The following EEA1 variants were observed in gnomAD, a reference collection of about 807,000 sequenced individuals.
The protein encoded by EEA1 is early endosome antigen 1, 162kD.
A neutral mutation model predicts 209.2 loss-of-function variants in EEA1; 111 were observed. The observed-to-expected ratio is 0.53, with a 90% CI of 0.45 to 0.62. EEA1 has a LOEUF of 0.62. EEA1 is among the 20% of genes least tolerant of loss of function. The pLI is 0.00. For synonymous variants in EEA1, 536 were observed against 540.6 expected, an observed-to-expected ratio of 0.99 and a Z score of 0.12; for missense variants, 1,343 against 1,530.8, an observed-to-expected ratio of 0.88 and a Z score of 2.05.
intron 1 of EEA1, among the ~76,000 whole-genome samples, chr12:92,921,866 C>CAAAAAAAAAAAAAA (rs756583756): frequency 1.6e-4 from 13 of 83,442 alleles, no homozygotes; most frequent in Non-Finnish European, 2.6e-4. Flanking sequence ...GACTCTGTCT[C>CAAAAAAAAAAAAAA]AAAAAAAAAA....
intron 13 of EEA1, among the ~76,000 whole-genome samples, chr12:92,820,689 C>T (rs1355114236): frequency 6.6e-6 from 1 of 151,902 alleles, no homozygotes; most frequent in African/African-American, 2.4e-5. Flanking sequence ...TGCAGAAAAC[C>T]ACCATGGTAC....
At chr12:92,777,856 T>C in intron 26 of EEA1, 85 bp downstream of exon 26, 1 of 1,408,016 alleles carries the variant, frequency 7.1e-7, no homozygotes, top group Admixed American at 2.1e-5. Context: ...TTCTCAAGAT[T>C]CTTCTATTTT....
intron 1 of EEA1, chr12:92,905,339 C>T (rs1388141170): frequency 6.6e-6 from 1 of 152,078 alleles, no homozygotes; most frequent in Admixed American, 6.6e-5. Context: ...GTAGCTCACA[C>T]CTGTAATCCC....
rs1873729869 is a variant in EEA1, at chr12:92,777,912, A to G, written c.3893+29T>C. 1.9e-6 allele frequency: 3 copies of G among 1,580,952 alleles called. No individual in the cohort carries two copies. In the African/African-American group the frequency reaches 4.1e-5, roughly 21 times the overall value. ...AATCTTTTTATCACTTACAATGGAA[A>G]TAAACTAATTTTACTAGATATCAAT... is the stretch of plus-strand genomic sequence containing the variant. On this transcript the variant is annotated intron_variant, in intron 26 of 28. Transcript: ENST00000322349.
chr12:92,780,389 A>G lies in EEA1; in HGVS notation c.3359T>C (p.Val1120Ala), dbSNP rs769955761. 3 of 1,552,810 alleles carry G rather than the reference A, an allele frequency of 1.9e-6. No individual in the cohort carries two copies. Among genetic ancestry groups the G allele is most frequent in the South Asian group, 1.2e-5 (1 of 83,352 alleles). Residue 1120 changes from valine to alanine, a missense_variant, in exon 24 of 29, where the codon GTA becomes GCA. By Grantham distance (64) the Val-to-Ala change is moderately conservative. This residue lies in a region of EEA1 where 1,307 missense variants were observed against 1,465.5 expected (regional missense o/e 0.89). Transcript: ENST00000322349. Reference protein sequence around the residue: ...KEKSLKEKELVNEKSKLAEIE... With the variant: ...KEKSLKEKELANEKSKLAEIE... The stretch of plus-strand genomic sequence containing the variant: ...CTCTGCCAATTTAGACTTCTCATTT[A>G]CCAGTTCTTTTTCTTTCAGTGACTG...
At chr12:92,875,329 G>A (rs911675534) in intron 2 of EEA1, among the ~76,000 whole-genome samples, 6 of 152,070 alleles carry the variant, frequency 3.9e-5, no homozygotes, top group East Asian at 1.9e-4. Flanking sequence ...TCAGCTACTC[G>A]GGAGGCTAAG....
At position 92,832,628 on chromosome 12, in the gene EEA1, C is replaced by T. The variant is rs780962188; in HGVS notation, c.1138G>A (p.Glu380Lys). ...TACTTGGTCTCTACCTCAGATAATT[C>T]TTCTTTGAGCTTTTGAGTAGCTTCT... is the stretch of plus-strand genomic sequence containing the variant. ...KGEATQKLKE[E>K]LSEVETKYQH... The change falls in exon 11 of 29, where the codon GAA becomes AAA. Residue 380 changes from glutamate (E) to lysine (K), a missense_variant. Glu to Lys is a moderately conservative substitution (Grantham distance 56, BLOSUM62 1). Coordinates refer to ENST00000322349, the MANE Select transcript of EEA1 (RefSeq NM_003566.4). 7 of 1,613,866 alleles carry T rather than the reference C, an allele frequency of 4.3e-6. No homozygotes were observed. Among genetic ancestry groups the T allele is most frequent in the Non-Finnish European group, 5.9e-6 (7 of 1,179,976 alleles).
chr12:92,851,258 T>C lies in EEA1; in HGVS notation c.651A>G (p.Arg217=), dbSNP rs781289589. 11 of 1,607,632 alleles carry C rather than the reference T, an allele frequency of 6.8e-6. No individual in the cohort carries two copies. The highest frequency in any genetic ancestry group is 4.0e-5 in the African/African-American group (3 of 74,566). Residue 217 remains arginine, a synonymous_variant, in exon 9 of 29, where the codon AGA becomes AGG. Transcript: ENST00000322349. The part of the protein sequence containing the change: ...IQDLKTELLQ[R]PGIEDVAVLK... ...GCACGGCAACATCTTCTATACCAGG[T>C]CTCTGAAGCTGTGAAACAACACATT...
rs1405742775 is a variant in EEA1, at chr12:92,831,482, T to C, written c.1254+1030A>G. 4.0e-5 allele frequency among the ~76,000 whole-genome samples: 6 copies of C among 148,840 alleles called. No homozygotes were observed. The East Asian group carries it at 9.7e-4, about 24-fold the overall frequency. ...AAATATGAGCTATATAGGTAAATAA[T>C]ATATGAATTGTATATAATATATGAT... On this transcript the variant is annotated intron_variant, in intron 11 of 28. Transcript: ENST00000322349.
At chr12:92,918,786 A>G (rs1394902898) in intron 1 of EEA1, among the ~76,000 whole-genome samples, 1 of 117,448 alleles carries the variant, frequency 8.5e-6, no homozygotes, top group East Asian at 2.1e-4. Flanking sequence ...AAAACCCTTC[A>G]AAAAATCAAT....
At chr12:92,869,582 TAA>T (rs35759690) in intron 2 of EEA1, among the ~76,000 whole-genome samples, 9 of 134,864 alleles carry the variant, frequency 6.7e-5, no homozygotes, top group African/African-American at 5.4e-5. Flanking sequence ...CATCTCTACT[TAA>T]AAAAAAAAAA....
intron 10 of EEA1, among the ~76,000 whole-genome samples, chr12:92,838,080 T>G (rs904461135): frequency 6.6e-6 from 1 of 152,178 alleles, no homozygotes; most frequent in African/African-American, 2.4e-5. Flanking sequence ...AGTGTTAAAT[T>G]TATGTAAGGC....
intron 10 of EEA1, among the ~76,000 whole-genome samples, chr12:92,838,488 T>C (rs1877024013): frequency 6.6e-6 from 1 of 152,200 alleles, no homozygotes; most frequent in South Asian, 2.1e-4. Flanking sequence ...GTAGAAGTTT[T>C]CTACGTGTAG....
intron 2 of EEA1, among the ~76,000 whole-genome samples, chr12:92,890,914 T>C (rs954817132): frequency 2.6e-5 from 4 of 152,070 alleles, no homozygotes; most frequent in Non-Finnish European, 4.4e-5. Flanking sequence ...GAGAAGAGGA[T>C]AGCAGAGAAA....
At chr12:92,820,646 C>A (rs55829050) in intron 13 of EEA1, among the ~76,000 whole-genome samples, 652 of 152,020 alleles carry the variant, frequency 4.3e-3, no homozygotes, top group Admixed American at 8.3e-3. Context: ...CTAATGCATG[C>A]GGGGCTTAAA....
chr12:92,895,814 A>G (rs1377981574), intron 1 of EEA1, among the ~76,000 whole-genome samples: 1 of 152,150 alleles, frequency 6.6e-6, no homozygotes, highest in African/African-American at 2.4e-5. Flanking sequence ...TTTGTGATTC[A>G]TGGGAGGAAG....
At chr12:92,903,206 G>C (rs988564437) in intron 1 of EEA1, among the ~76,000 whole-genome samples, 1 of 151,610 alleles carries the variant, frequency 6.6e-6, no homozygotes, top group African/African-American at 2.4e-5. Context: ...CAAAGTGCTG[G>C]GATTACAGGC....
At chr12:92,845,003 A>G (rs1474100480) in intron 9 of EEA1, among the ~76,000 whole-genome samples, 1 of 152,066 alleles carries the variant, frequency 6.6e-6, no homozygotes, top group African/African-American at 2.4e-5. Context: ...AATGTAAAGC[A>G]AACACACTCC....
At chr12:92,890,648 G>A (rs527353673) in intron 2 of EEA1, among the ~76,000 whole-genome samples, 7 of 152,176 alleles carry the variant, frequency 4.6e-5, no homozygotes, top group African/African-American at 1.7e-4. Context: ...ATTCCTTTCA[G>A]TTCATCATAT....
Sources: gnomAD v4.1 joint callset for allele counts (sites outside exome capture counted in the v4.1 genomes callset) on GRCh38, gnomAD v4.1.1 for gene constraint, gnomAD v4.1.1 regional missense constraint, MANE v1.5 for transcripts, NCBI Gene and HGNC (gene_info 2026-07-23, HGNC 2026-07-21) for gene names.